GRM8: variants seen among roughly 807,000 people sequenced by gnomAD.
GRM8 encodes metabotropic glutamate receptor 8.
A neutral mutation model predicts 87.2 loss-of-function variants in GRM8; 47 were observed. That is an observed-to-expected ratio of 0.54 (90% CI 0.43 to 0.69). GRM8 has a LOEUF of 0.69. GRM8 is among the 30% of genes least tolerant of loss of function. GRM8 has a pLI of 0.00. For synonymous variants in GRM8, 396 were observed against 404.5 expected (o/e 0.98, Z 0.25); for missense variants, 1,019 against 1,139.2 (o/e 0.89, Z 1.52).
chr7:126,505,594 A>G (rs1810333642), intron 9 of GRM8, among the ~76,000 whole-genome samples: 1 of 152,050 alleles, frequency 6.6e-6, no homozygotes, highest in Admixed American at 6.6e-5. Flanking sequence ...AGGAAAATTG[A>G]GGTAAACAAA....
At chr7:126,991,306 T>G (rs1220188229) in intron 3 of GRM8, among the ~76,000 whole-genome samples, 1 of 152,222 alleles carries the variant, frequency 6.6e-6, no homozygotes, top group Non-Finnish European at 1.5e-5. Context: ...GTTGTTTCGC[T>G]TTGTTTTAGT....
chr7:126,928,755 T>C (rs998840457), intron 3 of GRM8, among the ~76,000 whole-genome samples: 1 of 152,106 alleles, frequency 6.6e-6, no homozygotes, highest in Admixed American at 6.6e-5. Context: ...CTTGTGTGAC[T>C]TACTAAATAT....
intron 7 of GRM8, among the ~76,000 whole-genome samples, chr7:126,658,342 G>C (rs892504491): frequency 2.0e-5 from 3 of 152,128 alleles, no homozygotes; most frequent in African/African-American, 7.2e-5. Flanking sequence ...AGAAGATAAA[G>C]AAAATGGCCT....
chr7:126,463,881 GA>G (rs1024811161), intron 9 of GRM8, among the ~76,000 whole-genome samples: 2 of 150,876 alleles, frequency 1.3e-5, no homozygotes, highest in Admixed American at 6.6e-5. Flanking sequence ...GAATATCTAA[GA>G]AAAAAAATAA....
At chr7:126,478,685 A>G (rs767057758) in intron 9 of GRM8, among the ~76,000 whole-genome samples, 5 of 152,080 alleles carry the variant, frequency 3.3e-5, no homozygotes, top group Non-Finnish European at 5.9e-5. Context: ...TCTAGTTATC[A>G]TTCTCAAAAT....
intron 9 of GRM8, among the ~76,000 whole-genome samples, chr7:126,492,164 C>T (rs911974321): frequency 6.6e-6 from 1 of 152,056 alleles, no homozygotes; most frequent in Non-Finnish European, 1.5e-5. Context: ...GATCCTCCTG[C>T]TTTAGCCTCC....
At chr7:126,640,401 G>A (rs1046993396) in intron 7 of GRM8, among the ~76,000 whole-genome samples, 10 of 152,136 alleles carry the variant, frequency 6.6e-5, no homozygotes, top group Non-Finnish European at 7.4e-5. Flanking sequence ...GGAAAACAAA[G>A]CTAGTTTATT....
At chr7:126,840,004 CTG>C (rs771248136) in intron 6 of GRM8, among the ~76,000 whole-genome samples, 2 of 152,284 alleles carry the variant, frequency 1.3e-5, no homozygotes, top group South Asian at 2.1e-4. Context: ...ATGAAAACAT[CTG>C]TATGGGTGAA....
rs182549192 is a variant in GRM8, at chr7:127,089,824, G to T, written c.727+16672C>A. On this transcript the variant is annotated intron_variant, in intron 3 of 10. Coordinates refer to ENST00000339582, the MANE Select transcript of GRM8 (RefSeq NM_000845.3). Reference sequence around the variant, plus strand: ...CCTTCACTAAGGAAGTATCATTGATGCTGAGTCTTGAGTGGAATTTTGCCA... The same window carrying T: ...CCTTCACTAAGGAAGTATCATTGATTCTGAGTCTTGAGTGGAATTTTGCCA... Among the ~76,000 whole-genome samples the T allele has an allele frequency of 6.5e-4, 99 of 152,256 alleles. 1 individual carries two copies. The highest frequency in any genetic ancestry group is 5.2e-4 in the Admixed American group (8 of 15,298).
chr7:126,834,646 C>A (rs138097090), intron 6 of GRM8, among the ~76,000 whole-genome samples: 1 of 152,120 alleles, frequency 6.6e-6, no homozygotes, highest in Non-Finnish European at 1.5e-5. Context: ...AGATTAAAAA[C>A]CCTGAATTGA....
intron 3 of GRM8, among the ~76,000 whole-genome samples, chr7:127,088,185 C>G (rs1385286375): frequency 6.6e-6 from 1 of 152,122 alleles, no homozygotes; most frequent in Non-Finnish European, 1.5e-5. Context: ...TTAGGGAAGC[C>G]CTTTAGCTGG....
At chr7:127,082,920 A>G (rs1416769978) in intron 3 of GRM8, among the ~76,000 whole-genome samples, 1 of 152,182 alleles carries the variant, frequency 6.6e-6, no homozygotes, top group African/African-American at 2.4e-5. Context: ...CGGGATCGGA[A>G]CCCAGGCAGC....
intron 3 of GRM8, among the ~76,000 whole-genome samples, chr7:126,909,487 C>T (rs1803066255): frequency 6.6e-6 from 1 of 152,114 alleles, no homozygotes; most frequent in Non-Finnish European, 1.5e-5. Flanking sequence ...TAATTGTGTA[C>T]AATTTAAGGG....
intron 2 of GRM8, among the ~76,000 whole-genome samples, chr7:127,239,967 A>C (rs1046401368): frequency 7.2e-5 from 11 of 152,236 alleles, no homozygotes; most frequent in Non-Finnish European, 5.9e-5. Flanking sequence ...GGACCAGTGA[A>C]CCGATCATGT....
chr7:126,893,941 G>A (rs1208139152), intron 6 of GRM8, among the ~76,000 whole-genome samples: 1 of 151,998 alleles, frequency 6.6e-6, no homozygotes, highest in African/African-American at 2.4e-5. Context: ...CTAAGAAGTT[G>A]TGGTAATTCT....
intron 7 of GRM8, among the ~76,000 whole-genome samples, chr7:126,753,825 C>G (rs1226918914): frequency 6.6e-6 from 1 of 151,730 alleles, no homozygotes; most frequent in Non-Finnish European, 1.5e-5. Flanking sequence ...TTTCTAAGTG[C>G]CATATAGTGT....
intron 7 of GRM8, among the ~76,000 whole-genome samples, chr7:126,757,171 G>T (rs1007883112): frequency 6.6e-6 from 1 of 152,098 alleles, no homozygotes; most frequent in Admixed American, 6.6e-5. Flanking sequence ...AAAAATTGCT[G>T]TGAAATGAAG....
chr7:127,064,291 G>A (rs1341830964), intron 3 of GRM8, among the ~76,000 whole-genome samples: 1 of 152,158 alleles, frequency 6.6e-6, no homozygotes, highest in African/African-American at 2.4e-5. Flanking sequence ...CTTGCTTCAT[G>A]AATCTGGGTG....
At chr7:126,803,802 T>TA (rs1792360370) in intron 6 of GRM8, among the ~76,000 whole-genome samples, 2 of 152,248 alleles carry the variant, frequency 1.3e-5, no homozygotes, top group Non-Finnish European at 2.9e-5. Context: ...TTATTCTCGT[T>TA]AAACCTAACT....
Sources: allele counts gnomAD v4.1 joint callset (sites outside exome capture counted in the v4.1 genomes callset), GRCh38; gene constraint gnomAD v4.1.1; transcripts MANE v1.5; gene names NCBI Gene and HGNC (gene_info 2026-07-23, HGNC 2026-07-21).